The following RBFOX1 variants were observed in gnomAD, a reference collection of about 807,000 sequenced individuals.
RBFOX1 encodes RNA binding protein fox-1 homolog 1.
In RBFOX1, 8 loss-of-function variants were observed where a neutral mutation model predicts 57.7. The ratio of observed to expected loss-of-function variants is 0.14; its 90% CI spans 0.08 to 0.25. The LOEUF (loss-of-function observed/expected upper bound fraction) is 0.25. RBFOX1 is among the 10% of genes least tolerant of loss of function. The pLI is 1.00. For missense variants in RBFOX1, 611 were observed against 548.5 expected (o/e 1.11, Z -1.14); for synonymous variants, 326 against 222.4 (o/e 1.47, Z -4.15).
At chr16:6,250,396 C>A (rs1050242486) in intron 1 of RBFOX1, among the ~76,000 whole-genome samples, 6 of 152,066 alleles carry the variant, frequency 3.9e-5, no homozygotes, top group Non-Finnish European at 8.8e-5. Context: ...CTTGACATTG[C>A]AATGTTTGTG....
intron 4 of RBFOX1, among the ~76,000 whole-genome samples, chr16:7,132,429 C>G (rs939723630): frequency 9.1e-6 from 1 of 109,834 alleles, no homozygotes; most frequent in Non-Finnish European, 1.8e-5. Flanking sequence ...AATTGTGATA[C>G]ACAGACACAC....
At chr16:6,938,577 A>AC (rs2077764339) in intron 3 of RBFOX1, among the ~76,000 whole-genome samples, 1 of 148,456 alleles carries the variant, frequency 6.7e-6, no homozygotes, top group South Asian at 2.2e-4. Flanking sequence ...TTTTCTCTTC[A>AC]TTTTTTTTTC....
At chr16:6,544,818 G>A (rs924967063) in intron 2 of RBFOX1, among the ~76,000 whole-genome samples, 1 of 152,300 alleles carries the variant, frequency 6.6e-6, no homozygotes, top group East Asian at 1.9e-4. Flanking sequence ...AGTCAGCGAA[G>A]GGTACCCACG....
intron 4 of RBFOX1, among the ~76,000 whole-genome samples, chr16:5,882,090 A>G (rs1166928549): frequency 1.3e-5 from 2 of 152,210 alleles, no homozygotes; most frequent in Non-Finnish European, 2.9e-5. Flanking sequence ...AACTAGGTTC[A>G]GAGAGATTAA....
At chr16:6,257,649 C>T (rs1344108241) in intron 1 of RBFOX1, among the ~76,000 whole-genome samples, 1 of 152,062 alleles carries the variant, frequency 6.6e-6, no homozygotes, top group African/African-American at 2.4e-5. Context: ...AATTCAGTTC[C>T]CATTTATAAG....
At chr16:6,752,043 A>C (rs372635871) in intron 3 of RBFOX1, among the ~76,000 whole-genome samples, 1 of 152,098 alleles carries the variant, frequency 6.6e-6, no homozygotes, top group Non-Finnish European at 1.5e-5. Context: ...ACTGCTTTCA[A>C]CTTCAGAAAG....
At chr16:5,354,309 C>T (rs1035679322) in intron 1 of RBFOX1, among the ~76,000 whole-genome samples, 32 of 152,050 alleles carry the variant, frequency 2.1e-4, no homozygotes, top group Non-Finnish European at 4.4e-5. Context: ...TTTCTCTATT[C>T]ACTGTCTTTC....
chr16:5,448,567 G>T (rs1358094929), intron 1 of RBFOX1, among the ~76,000 whole-genome samples: 2 of 152,166 alleles, frequency 1.3e-5, no homozygotes, highest in Non-Finnish European at 2.9e-5. Context: ...CAGGAGACTG[G>T]GGTGAAGACC....
intron 2 of RBFOX1, among the ~76,000 whole-genome samples, chr16:6,325,052 A>G (rs1471325817): frequency 3.9e-5 from 6 of 152,186 alleles, no homozygotes; most frequent in African/African-American, 1.4e-4. Flanking sequence ...CATGGGTTGT[A>G]GTAACGAATT....
At chr16:6,769,347 C>A (rs1205763427) in intron 3 of RBFOX1, among the ~76,000 whole-genome samples, 1 of 152,184 alleles carries the variant, frequency 6.6e-6, no homozygotes, top group East Asian at 1.9e-4. Flanking sequence ...AAAGGTCTTT[C>A]TCCCGTAAGT....
chr16:5,493,850 G>T (rs1214733043), intron 2 of RBFOX1, among the ~76,000 whole-genome samples: 1 of 152,198 alleles, frequency 6.6e-6, no homozygotes, highest in Non-Finnish European at 1.5e-5. Flanking sequence ...TGGAGGGAAG[G>T]TGTTTCTGCA....
At chr16:5,484,708 C>G (rs1429770437) in intron 2 of RBFOX1, among the ~76,000 whole-genome samples, 1 of 151,712 alleles carries the variant, frequency 6.6e-6, no homozygotes, top group East Asian at 2.0e-4. Flanking sequence ...GTCAGGAGAT[C>G]GAAACCATCC....
chr16:6,149,353 A>G (rs1046831547), intron 1 of RBFOX1, among the ~76,000 whole-genome samples: 2 of 152,202 alleles, frequency 1.3e-5, no homozygotes, highest in African/African-American at 4.8e-5. Flanking sequence ...CTTGCCTCCT[A>G]TGTAACATGA....
rs75518595 is a variant in RBFOX1, at chr16:7,494,270, A to T, written c.28-23877A>T. Among the ~76,000 whole-genome samples the T allele has an allele frequency of 7.7e-3, 1,177 of 152,286 alleles. 18 individuals are homozygous for T. Among genetic ancestry groups the T allele is most frequent in the African/African-American group, 0.027 (1,136 of 41,550 alleles). ...GGCAAGCATCCCATTAAATGCTTTT[A>T]GGTGATTCAGAACCAAAGCTCAATT... On this transcript the variant is annotated intron_variant, in intron 4 of 15. Coordinates refer to ENST00000550418, the MANE Select transcript of RBFOX1 (RefSeq NM_018723.4).
At chr16:6,658,772 A>G (rs974505006) in intron 3 of RBFOX1, among the ~76,000 whole-genome samples, 5 of 152,096 alleles carry the variant, frequency 3.3e-5, no homozygotes, top group Non-Finnish European at 2.9e-5. Flanking sequence ...AAGCCCGCCA[A>G]TTAGCAGAGC....
chr16:5,711,225 T>A (rs923267482), intron 3 of RBFOX1, among the ~76,000 whole-genome samples: 1 of 152,226 alleles, frequency 6.6e-6, no homozygotes. Flanking sequence ...TAATAGTAAC[T>A]CATTTAATCT....
intron 4 of RBFOX1, among the ~76,000 whole-genome samples, chr16:7,083,231 C>G (rs889380796): frequency 2.0e-5 from 3 of 152,042 alleles, no homozygotes; most frequent in Non-Finnish European, 4.4e-5. Context: ...CCTCTGGACT[C>G]CAGAGTACAG....
intron 3 of RBFOX1, among the ~76,000 whole-genome samples, chr16:6,759,069 A>G (rs1248276489): frequency 6.6e-6 from 1 of 152,222 alleles, no homozygotes; most frequent in Non-Finnish European, 1.5e-5. Flanking sequence ...CCGTTATGAA[A>G]CAGAAAACAA....
At chr16:5,611,705 C>CCCATCCGTCCATCCGTCCATCCATCCAT (rs772335203) in intron 3 of RBFOX1, among the ~76,000 whole-genome samples, 1 of 100,128 alleles carries the variant, frequency 1.0e-5, no homozygotes. Context: ...CACCCACTCT[C>CCCATCCGTCCATCCGTCCATCCATCCAT]CCATCCATCC....
Sources: allele counts gnomAD v4.1 joint callset (sites outside exome capture counted in the v4.1 genomes callset), GRCh38; gene constraint gnomAD v4.1.1; transcripts MANE v1.5; gene names NCBI Gene and HGNC (gene_info 2026-07-23, HGNC 2026-07-21).